ADD2: variants seen among roughly 807,000 people sequenced by gnomAD.
ADD2 encodes the protein beta-adducin.
In ADD2, 23 loss-of-function variants were observed where a neutral mutation model predicts 83.0. That is an observed-to-expected ratio of 0.28 (90% CI 0.20 to 0.39). The LOEUF (loss-of-function observed/expected upper bound fraction) is 0.39, where lower values mean the gene tolerates loss of function less well. Ranked by LOEUF, ADD2 falls within the 10% of genes least tolerant of loss-of-function variation. ADD2 has a pLI of 1.00. For synonymous variants in ADD2, 375 were observed against 375.4 expected, an observed-to-expected ratio of 1.00 and a Z score of 0.01; for missense variants, 758 against 944.9, an observed-to-expected ratio of 0.80 and a Z score of 2.59.
At chr2:70,746,719 T>G (rs1319477142) in intron 1 of ADD2, among the ~76,000 whole-genome samples, 1 of 152,206 alleles carries the variant, frequency 6.6e-6, no homozygotes, top group African/African-American at 2.4e-5. Flanking sequence ...GGATACTCAC[T>G]GAGTCCACTG....
At chr2:70,756,925 T>G (rs1346628852) in intron 1 of ADD2, among the ~76,000 whole-genome samples, 1 of 152,146 alleles carries the variant, frequency 6.6e-6, no homozygotes, top group African/African-American at 2.4e-5. Flanking sequence ...GCCTCCCAGG[T>G]TCACGCGATT....
chr2:70,702,286 C>T (rs1435044021), intron 4 of ADD2, among the ~76,000 whole-genome samples: 8 of 152,196 alleles, frequency 5.3e-5, no homozygotes, highest in African/African-American at 1.7e-4. Context: ...CCCACCTCAG[C>T]CTCCCAAGTA....
At chr2:70,740,447 A>C (rs1673825815) in intron 1 of ADD2, among the ~76,000 whole-genome samples, 1 of 152,188 alleles carries the variant, frequency 6.6e-6, no homozygotes, top group Non-Finnish European at 1.5e-5. Context: ...TACAAACAGA[A>C]ACCTAATAGA....
intron 10 of ADD2, among the ~76,000 whole-genome samples, chr2:70,680,893 C>T (rs1338252137): frequency 1.3e-5 from 2 of 152,140 alleles, no homozygotes; most frequent in African/African-American, 4.8e-5. Context: ...TGCTTCTAGC[C>T]TCACAAGCTG....
chr2:70,679,224 T>C (rs782379430), intron 10 of ADD2, among the ~76,000 whole-genome samples: 13 of 152,200 alleles, frequency 8.5e-5, no homozygotes, highest in Non-Finnish European at 1.3e-4. Context: ...GTGGACCAGA[T>C]AGACAGAGCT....
At chr2:70,760,155 C>T (rs1553384594) in intron 1 of ADD2, among the ~76,000 whole-genome samples, 1 of 152,202 alleles carries the variant, frequency 6.6e-6, no homozygotes, top group African/African-American at 2.4e-5. Flanking sequence ...TGTCTTTGGA[C>T]ACTTTGAAGA....
chr2:70,744,299 G>A (rs966827531), intron 1 of ADD2, among the ~76,000 whole-genome samples: 23 of 152,218 alleles, frequency 1.5e-4, no homozygotes, highest in African/African-American at 5.3e-4. Flanking sequence ...GGGCAATTAT[G>A]TAACAGAATG....
At chr2:70,728,725 TG>T (rs1175348542) in intron 1 of ADD2, among the ~76,000 whole-genome samples, 1 of 152,250 alleles carries the variant, frequency 6.6e-6, no homozygotes, top group Non-Finnish European at 1.5e-5. Flanking sequence ...TCTGTACCTT[TG>T]GGTCTGGCCT....
At chr2:70,693,638 C>T (rs932933636) in intron 6 of ADD2, among the ~76,000 whole-genome samples, 2 of 152,180 alleles carry the variant, frequency 1.3e-5, no homozygotes, top group African/African-American at 4.8e-5. Context: ...GACTTCAAAG[C>T]AGCGTGACCC....
At position 70,763,283 on chromosome 2, in the gene ADD2, G is replaced by A. The variant is rs1160407555; in HGVS notation, c.-154+4603C>T. ...GCTCTTCGAGTTTGGAAGATTTGGTGGTGGTTGTCATTGAAGACAGGCAGT... is the reference window on the plus strand; with the variant it reads ...GCTCTTCGAGTTTGGAAGATTTGGTAGTGGTTGTCATTGAAGACAGGCAGT... On this transcript the variant is annotated intron_variant, in intron 1 of 15. Transcript: ENST00000264436. Among the ~76,000 whole-genome samples the A allele has an allele frequency of 2.0e-5, 3 of 151,880 alleles. No individual in the cohort carries two copies. In the South Asian group the frequency reaches 6.2e-4, roughly 32 times the overall value.
intron 1 of ADD2, among the ~76,000 whole-genome samples, chr2:70,752,292 T>A (rs969182984): frequency 6.6e-6 from 1 of 152,218 alleles, no homozygotes; most frequent in Admixed American, 6.5e-5. Context: ...TACCTAGTTA[T>A]AAGTTATAAA....
At chr2:70,726,936 G>A (rs1255835945) in intron 1 of ADD2, among the ~76,000 whole-genome samples, 2 of 152,182 alleles carry the variant, frequency 1.3e-5, no homozygotes, top group African/African-American at 4.8e-5. Context: ...TGTCTCTCCA[G>A]TCCCCAACCC....
At chr2:70,751,354 C>T (rs1404792452) in intron 1 of ADD2, among the ~76,000 whole-genome samples, 1 of 152,088 alleles carries the variant, frequency 6.6e-6, no homozygotes, top group African/African-American at 2.4e-5. Context: ...TTTCTGAGTC[C>T]ACTTATATAG....
At chr2:70,739,439 G>A (rs1673762184) in intron 1 of ADD2, among the ~76,000 whole-genome samples, 1 of 152,214 alleles carries the variant, frequency 6.6e-6, no homozygotes. Context: ...TGGTGGAAGT[G>A]TAAATTTGTC....
At chr2:70,751,426 G>T (rs544654070) in intron 1 of ADD2, among the ~76,000 whole-genome samples, 1 of 152,158 alleles carries the variant, frequency 6.6e-6, no homozygotes, top group Non-Finnish European at 1.5e-5. Context: ...ACAGTGTTAC[G>T]TTTGGTGTTA....
At chr2:70,752,155 C>A (rs1030406624) in intron 1 of ADD2, among the ~76,000 whole-genome samples, 2 of 152,210 alleles carry the variant, frequency 1.3e-5, no homozygotes, top group Non-Finnish European at 2.9e-5. Flanking sequence ...AACAAGGACA[C>A]AGAAACCCTA....
At chr2:70,712,074 A>T (rs1267914628) in intron 2 of ADD2, among the ~76,000 whole-genome samples, 7 of 152,338 alleles carry the variant, frequency 4.6e-5, no homozygotes, top group South Asian at 2.1e-4. Flanking sequence ...TTACCAGGCA[A>T]CTTTTATTCA....
At chr2:70,688,921 A>AC (rs202064061) in intron 8 of ADD2, among the ~76,000 whole-genome samples, 3,643 of 152,120 alleles carry the variant, frequency 0.024, 79 homozygotes, top group Admixed American at 0.058. Context: ...ACATGGTGAA[A>AC]CCCCGTCTCT....
intron 1 of ADD2, among the ~76,000 whole-genome samples, chr2:70,732,182 C>G (rs1376610524): frequency 2.0e-5 from 3 of 152,116 alleles, no homozygotes; most frequent in Non-Finnish European, 4.4e-5. Context: ...GGAACCAAAG[C>G]ATGAAGTTGT....
Sources: gnomAD v4.1 joint callset for allele counts (sites outside exome capture counted in the v4.1 genomes callset) on GRCh38, gnomAD v4.1.1 for gene constraint, MANE v1.5 for transcripts, NCBI Gene and HGNC (gene_info 2026-07-23, HGNC 2026-07-21) for gene names.